The following PTPRK variants were observed in gnomAD, a reference collection of about 807,000 sequenced individuals.
The protein encoded by PTPRK is receptor-type tyrosine-protein phosphatase kappa.
PTPRK carries 75 observed loss-of-function variants against 178.0 expected under a neutral mutation model. The observed-to-expected ratio is 0.42, with a 90% confidence interval of 0.35 to 0.51. PTPRK has a LOEUF of 0.51. Ranked by LOEUF, PTPRK falls within the 20% of genes least tolerant of loss-of-function variation. The probability of loss-of-function intolerance (pLI) is 0.02; values close to 1 mark genes in which losing one functional copy is unlikely to be tolerated. For synonymous variants in PTPRK, 637 were observed against 620.6 expected, an observed-to-expected ratio of 1.03 and a Z score of -0.39; for missense variants, 1,441 against 1,797.8, an observed-to-expected ratio of 0.80 and a Z score of 3.59.
intron 14 of PTPRK, among the ~76,000 whole-genome samples, chr6:128,006,695 T>G (rs1157969808): frequency 6.6e-6 from 1 of 151,036 alleles, no homozygotes; most frequent in African/African-American, 2.4e-5. Flanking sequence ...TTTGAGTTAT[T>G]AATGTGTTCA....
intron 3 of PTPRK, among the ~76,000 whole-genome samples, chr6:128,317,062 G>A (rs183482230): frequency 2.0e-4 from 31 of 152,232 alleles, no homozygotes; most frequent in Admixed American, 1.6e-3. Flanking sequence ...AATAAGCCAC[G>A]ATGACCGTGT....
At chr6:128,435,244 T>G (rs547367174) in intron 1 of PTPRK, among the ~76,000 whole-genome samples, 1 of 152,174 alleles carries the variant, frequency 6.6e-6, no homozygotes, top group Non-Finnish European at 1.5e-5. Context: ...AAATGCTATG[T>G]TGGATATGCT....
chr6:128,229,450 A>G (rs1811936870), intron 5 of PTPRK, among the ~76,000 whole-genome samples: 2 of 152,158 alleles, frequency 1.3e-5, no homozygotes, highest in Non-Finnish European at 1.5e-5. Context: ...ATGTGTATGT[A>G]TTTTTTAGCT....
chr6:128,487,346 A>G (rs570207727), intron 1 of PTPRK, among the ~76,000 whole-genome samples: 1 of 151,208 alleles, frequency 6.6e-6, no homozygotes, highest in Non-Finnish European at 1.5e-5. Flanking sequence ...ACTGTGGCAC[A>G]CTGGGAAACT....
At chr6:128,193,280 G>GGAAAA (rs1554338457) in intron 6 of PTPRK, among the ~76,000 whole-genome samples, 1 of 57,754 alleles carries the variant, frequency 1.7e-5, no homozygotes, top group Admixed American at 2.9e-4. Flanking sequence ...TCCAGCTTGT[G>GGAAAA]AAAAAAAAAA....
At chr6:128,373,259 T>C (rs1309950855) in intron 2 of PTPRK, among the ~76,000 whole-genome samples, 4 of 152,210 alleles carry the variant, frequency 2.6e-5, no homozygotes, top group African/African-American at 9.6e-5. Context: ...CACATTTTGA[T>C]GTGCAGCACA....
chr6:128,365,509 T>C (rs1039814565), intron 2 of PTPRK, among the ~76,000 whole-genome samples: 6 of 152,128 alleles, frequency 3.9e-5, no homozygotes, highest in African/African-American at 1.4e-4. Flanking sequence ...TGAAGTCTTT[T>C]ATAATTGATA....
At chr6:128,176,167 A>ATG (rs1411785955) in intron 7 of PTPRK, among the ~76,000 whole-genome samples, 2 of 151,866 alleles carry the variant, frequency 1.3e-5, no homozygotes, top group Admixed American at 1.3e-4. Flanking sequence ...ATATATGCAT[A>ATG]TGTGTGTGTA....
At chr6:127,990,256 G>T (rs1776454116) in intron 21 of PTPRK, among the ~76,000 whole-genome samples, 1 of 152,016 alleles carries the variant, frequency 6.6e-6, no homozygotes, top group African/African-American at 2.4e-5. Context: ...CCTGGTGACT[G>T]TCTGGCATTC....
At chr6:127,996,873 A>C (rs764067990) in intron 17 of PTPRK, 28 bp downstream of exon 17, 1 of 1,597,580 alleles carries the variant, frequency 6.3e-7, no homozygotes, top group Admixed American at 1.7e-5. Flanking sequence ...TAATATTTAC[A>C]TTCACCAAGA....
intron 13 of PTPRK, among the ~76,000 whole-genome samples, chr6:128,051,029 CATTTA>C (rs1778915363): frequency 6.6e-6 from 1 of 152,170 alleles, no homozygotes; most frequent in Non-Finnish European, 1.5e-5. Context: ...CACAGGACTT[CATTTA>C]ATTTGTTTAA....
intron 7 of PTPRK, among the ~76,000 whole-genome samples, chr6:128,140,342 A>T (rs577638585): frequency 4.4e-4 from 67 of 152,042 alleles, no homozygotes; most frequent in African/African-American, 1.6e-3. Flanking sequence ...ATAAACATTA[A>T]TTTTTTCCTT....
chr6:128,188,496 C>G (rs1803153944), intron 6 of PTPRK, among the ~76,000 whole-genome samples: 1 of 152,120 alleles, frequency 6.6e-6, no homozygotes, highest in Admixed American at 6.5e-5. Flanking sequence ...AAATACCTCT[C>G]AATCCTACCT....
chr6:128,321,983 C>T, intron 3 of PTPRK, 56 bp downstream of exon 3: 3 of 1,605,506 alleles, frequency 1.9e-6, no homozygotes, highest in Admixed American at 1.7e-5. Flanking sequence ...ATGTATTACA[C>T]ATATAGTGAG....
intron 3 of PTPRK, among the ~76,000 whole-genome samples, chr6:128,255,467 T>C (rs535661865): frequency 1.1e-4 from 17 of 152,194 alleles, no homozygotes; most frequent in African/African-American, 4.1e-4. Context: ...AAAGAGTGTA[T>C]AGAATAGAAA....
At chr6:128,296,536 C>T (rs893966344) in intron 3 of PTPRK, among the ~76,000 whole-genome samples, 7 of 152,174 alleles carry the variant, frequency 4.6e-5, no homozygotes, top group Non-Finnish European at 8.8e-5. Flanking sequence ...TTGGCAGAAA[C>T]TCTACAAGCC....
intron 6 of PTPRK, among the ~76,000 whole-genome samples, chr6:128,210,368 G>GCA (rs1554347218): frequency 4.2e-5 from 5 of 119,886 alleles, no homozygotes; most frequent in African/African-American, 1.1e-4. Flanking sequence ...AACTCCGGAG[G>GCA]AAAAAAAAAA....
intron 3 of PTPRK, among the ~76,000 whole-genome samples, chr6:128,275,738 G>A (rs1418732115): frequency 6.6e-6 from 1 of 151,908 alleles, no homozygotes; most frequent in Non-Finnish European, 1.5e-5. Flanking sequence ...AAATTAGTTG[G>A]TTGTTTTCAC....
At chr6:128,125,679 G>A (rs1170849675) in intron 7 of PTPRK, among the ~76,000 whole-genome samples, 1 of 122,280 alleles carries the variant, frequency 8.2e-6, no homozygotes, top group Non-Finnish European at 1.6e-5. Flanking sequence ...GCTCAATCTT[G>A]GCTCACTGCA....
Sources: allele counts gnomAD v4.1 joint callset (sites outside exome capture counted in the v4.1 genomes callset), GRCh38; gene constraint gnomAD v4.1.1; transcripts MANE v1.5; gene names NCBI Gene and HGNC (gene_info 2026-07-23, HGNC 2026-07-21).